KRT17: variants seen among roughly 807,000 people sequenced by gnomAD.
KRT17 encodes the protein keratin 17, also known as keratin, type I cytoskeletal 17.
Under a neutral mutation model 45.6 loss-of-function variants are expected in KRT17, and 29 were observed. The ratio of observed to expected loss-of-function variants is 0.64; its 90% CI spans 0.47 to 0.87. The LOEUF (loss-of-function observed/expected upper bound fraction) is 0.87. Ranked by LOEUF, KRT17 falls within the 40% of genes least tolerant of loss-of-function variation. The pLI, the probability that KRT17 is intolerant of heterozygous loss-of-function variation, is 0.00. For missense variants in KRT17, 536 were observed against 577.8 expected (o/e 0.93, Z 0.74); for synonymous variants, 219 against 234.6 (o/e 0.93, Z 0.61).
In KRT17 at chr17:41,621,706, T is replaced by C. The variant is rs749514229; in HGVS notation, c.721A>G (p.Met241Val). Residue 241 changes from methionine (M) to valine (V), a missense_variant, in exon 4 of 8, where the codon ATG (methionine) becomes GTG (valine). Coordinates refer to ENST00000311208, the MANE Select transcript of KRT17 (RefSeq NM_000422.3). The part of the protein sequence containing the change: ...GQVGGEINVE[M>V]DAAPGVDLSR... ...AGGTCCACGCCTGGGGCAGCGTCCA[T>C]CTCCACATTGATCTCACCACCCACC... 72 of 1,612,056 alleles carry C rather than the reference T, an allele frequency of 4.5e-5. No homozygotes were observed. The highest frequency in any genetic ancestry group is 5.7e-5 in the Non-Finnish European group (67 of 1,179,866).
chr17:41,622,120 C>G (rs150450439), intron 3 of KRT17: 2 of 620,108 alleles, frequency 3.2e-6, no homozygotes, highest in African/African-American at 3.7e-5. Context: ...GTAGAGGGAG[C>G]CTCTGCAGGC....
At chr17:41,619,958 A>G (rs1187485542) in intron 7 of KRT17, 1 of 985,208 alleles carries the variant, frequency 1.0e-6, no homozygotes, top group African/African-American at 1.7e-5. Flanking sequence ...CCTGCCAGGG[A>G]GGAGCCATGT....
At chr17:41,619,910 C>A in intron 7 of KRT17, 1 of 985,378 alleles carries the variant, frequency 1.0e-6, no homozygotes, top group Non-Finnish European at 1.2e-6. Flanking sequence ...GTGAGTCTTG[C>A]CTCCCCAGAT....
intron 7 of KRT17, 40 bp from the exon 8 acceptor site, chr17:41,619,728 G>A (rs1227119349): frequency 6.2e-7 from 1 of 1,611,526 alleles, no homozygotes; most frequent in Non-Finnish European, 8.5e-7. Context: ...GTAGGGGCCA[G>A]GAGGCCCTCG....
Position 41,619,622 on chromosome 17 carries a change from C to T in KRT17, c.1271G>A (p.Arg424His), listed in dbSNP as rs148013099. Residue 424 changes from arginine (R) to histidine (H), a missense_variant, in exon 8 of 8, where the codon CGC becomes CAC. Transcript: ENST00000311208. ...GCGGGTGGTCTGGTGGACCTGCTCG[C>T]GGGAGGAGATGACCTTGCCATCCTG... ...EVQDGKVISS[R>H]EQVHQTTR The T allele has an allele frequency of 1.7e-4, 276 of 1,612,166 alleles. No homozygotes were observed. Among genetic ancestry groups the T allele is most frequent in the Middle Eastern group, 4.5e-4 (2 of 4,438 alleles).
Position 41,622,956 on chromosome 17 carries a change from C to T in KRT17, c.509G>A (p.Arg170His), listed in dbSNP as rs560599599. Residue 170 changes from arginine to histidine, a missense_variant, in exon 2 of 8, where the codon CGC (arginine) becomes CAC (histidine). Transcript: ENST00000311208. ...DNARLAADDFRTKFETEQALR... is the reference protein window; with the variant it reads ...DNARLAADDFHTKFETEQALR... The stretch of plus-strand genomic sequence containing the variant: ...GGCCACAGCTAGGACTCACTTGGTG[C>T]GGAAGTCATCAGCAGCCAGACGGGC... 44 of 1,612,006 alleles carry T rather than the reference C, an allele frequency of 2.7e-5. No individual in the cohort carries two copies. The highest frequency in any genetic ancestry group is 2.4e-4 in the South Asian group (22 of 91,000).
intron 7 of KRT17, chr17:41,620,159 A>G (rs1370197536): frequency 2.0e-6 from 2 of 985,200 alleles, no homozygotes; most frequent in Non-Finnish European, 2.4e-6. Context: ...CCATGTCCCT[A>G]TCTCCCATCA....
chr17:41,624,217 T>G lies in KRT17; in HGVS notation c.293A>C (p.Tyr98Ser). 6.2e-7 allele frequency: 1 copy of G among 1,612,692 alleles called. No homozygotes were observed. Among genetic ancestry groups the G allele is most frequent in the Non-Finnish European group, 8.5e-7 (1 of 1,179,972 alleles). Reference sequence around the variant, plus strand: ...CTCCAGGGCACGCACCTTGTCCAGGTAGGAGGCCAGGCGGTCATTGAGGTT... The same window carrying G: ...CTCCAGGGCACGCACCTTGTCCAGGGAGGAGGCCAGGCGGTCATTGAGGTT... ...MQNLNDRLAS[Y>S]LDKVRALEEA... The change falls in exon 1 of 8, where the codon TAC becomes TCC. Residue 98 changes from tyrosine to serine, a missense_variant. Coordinates refer to ENST00000311208, the MANE Select transcript of KRT17 (RefSeq NM_000422.3).
chr17:41,620,758 T>A lies in KRT17; in HGVS notation c.1082A>T (p.Glu361Val). 1 of 1,612,596 alleles carries A rather than the reference T, an allele frequency of 6.2e-7. No individual in the cohort carries two copies. Among genetic ancestry groups the A allele is most frequent in the Non-Finnish European group, 8.5e-7 (1 of 1,179,866 alleles). Reference protein sequence around the residue: ...EQLAQLRCEMEQQNQEYKILL... With the variant: ...EQLAQLRCEMVQQNQEYKILL... The stretch of plus-strand genomic sequence containing the variant: ...GATTTTGTATTCCTGGTTCTGCTGC[T>A]CCATCTCGCAGCGAAGCTGGGCCAG... Residue 361 changes from glutamate to valine, a missense_variant, in exon 6 of 8, where the codon GAG becomes GTG. Physicochemically the swap from Glu to Val is moderately radical, Grantham distance 121. Coordinates refer to ENST00000311208, the MANE Select transcript of KRT17 (RefSeq NM_000422.3).
intron 1 of KRT17, chr17:41,623,286 G>C: frequency 2.2e-6 from 1 of 456,654 alleles, no homozygotes; most frequent in Admixed American, 3.4e-5. Flanking sequence ...CAGCTGGCTG[G>C]GAGTATGAGG....
chr17:41,621,614 G>T lies in KRT17; in HGVS notation c.813C>A (p.Ala271=), dbSNP rs142566077. 1.2e-6 allele frequency: 2 copies of T among 1,611,910 alleles called. No individual in the cohort carries two copies. The highest frequency in any genetic ancestry group is 8.5e-7 in the Non-Finnish European group (1 of 1,179,844). ...CCACCTTGCTGAAGAACCAATCCTC[G>T]GCATCCTTGCGGTTCTTCTCTGCCA... ...EKMAEKNRKD[A]EDWFFSKTEE... The change falls in exon 4 of 8, where the codon GCC becomes GCA. Residue 271 remains alanine, a synonymous_variant. Transcript: ENST00000311208.
intron 4 of KRT17, 128 bp downstream of exon 4, chr17:41,621,465 A>T (rs1908539155): frequency 1.8e-6 from 2 of 1,096,150 alleles, no homozygotes; most frequent in East Asian, 2.7e-5. Flanking sequence ...GCAGTGGGTG[A>T]CCCTGTGGTC....
In KRT17 at chr17:41,624,116, T is replaced by C; in HGVS notation, c.394A>G (p.Ser132Gly). 6.2e-7 allele frequency: 1 copy of C among 1,612,140 alleles called. No individual in the cohort carries two copies. Among genetic ancestry groups the C allele is most frequent in the Non-Finnish European group, 8.5e-7 (1 of 1,179,926 alleles). ...TCCTCAATTGTCCTGTAGTACTGGC[T>C]GTAGTCACGGGCGGGCCCCGGGGCC... Reference protein sequence around the residue: ...RQAPGPARDYSQYYRTIEELQ... With the variant: ...RQAPGPARDYGQYYRTIEELQ... Residue 132 changes from serine to glycine, a missense_variant, in exon 1 of 8, where the codon AGC (serine) becomes GGC (glycine). By Grantham distance (56) the Ser-to-Gly change is moderately conservative. Transcript: ENST00000311208.
At chr17:41,623,767 G>A (rs1011456918) in intron 1 of KRT17, among the ~76,000 whole-genome samples, 9 of 151,942 alleles carry the variant, frequency 5.9e-5, no homozygotes, top group African/African-American at 2.2e-4. Context: ...CAGCCCACGG[G>A]CCCAGCCCTC....
chr17:41,621,169 T>C, intron 4 of KRT17, 78 bp from the exon 5 acceptor site: 2 of 1,568,866 alleles, frequency 1.3e-6, no homozygotes, highest in Non-Finnish European at 1.7e-6. Context: ...AATCTAACTG[T>C]GGAGAGAGTG....
chr17:41,620,904 G>C, intron 5 of KRT17, 25 bp from the exon 6 acceptor site: 1 of 1,614,014 alleles, frequency 6.2e-7, no homozygotes, highest in Non-Finnish European at 8.5e-7. Flanking sequence ...GAAGACCAGG[G>C]GTCAGTGAGG....
rs1237457748 is a variant in KRT17, at chr17:41,624,327, G to A, written c.183C>T (p.Tyr61=). 3 of 1,612,002 alleles carry A rather than the reference G, an allele frequency of 1.9e-6. No individual in the cohort carries two copies. Among genetic ancestry groups the A allele is most frequent in the Non-Finnish European group, 2.5e-6 (3 of 1,179,930 alleles). Residue 61 remains tyrosine, a synonymous_variant, in exon 1 of 8, where the codon TAC becomes TAT. Transcript: ENST00000311208. ...TLGGSSYSSC[Y]SFGSGGGYGS... ...CATAGCCACCACCAGAGCCAAAGCT[G>A]TAGCAGCTGGAGTAGCTGCTACCCC... is the stretch of plus-strand genomic sequence containing the variant.
At chr17:41,623,991 T>C in intron 1 of KRT17, 87 bp downstream of exon 1, 2 of 1,590,062 alleles carry the variant, frequency 1.3e-6, no homozygotes, top group Non-Finnish European at 1.7e-6. Context: ...TGAGACCCTA[T>C]GGCTGGACTC....
chr17:41,621,767 G>C lies in KRT17; in HGVS notation c.673-13C>G, dbSNP rs757481312. ...GGGCGTTCATCTCCTATGGAAAAAG[G>C]GGATGTGGATGTGCGCATCTGGACC... On this transcript the variant is annotated splice_polypyrimidine_tract_variant and intron_variant, in intron 3 of 7. Transcript: ENST00000311208. 7.4e-6 allele frequency: 12 copies of C among 1,611,986 alleles called. No homozygotes were observed. Among genetic ancestry groups the C allele is most frequent in the African/African-American group, 1.3e-5 (1 of 74,968 alleles).
Sources: gnomAD v4.1 joint callset for allele counts (sites outside exome capture counted in the v4.1 genomes callset) on GRCh38, gnomAD v4.1.1 for gene constraint, MANE v1.5 for transcripts, NCBI Gene and HGNC (gene_info 2026-07-23, HGNC 2026-07-21) for gene names.